Variants in MDGA2 observed in about 807,000 individuals in gnomAD.
MDGA2 encodes MAM domain-containing glycosylphosphatidylinositol anchor protein 2.
MDGA2 carries 40 observed loss-of-function variants against 117.8 expected under a neutral mutation model. The ratio of observed to expected loss-of-function variants is 0.34; its 90% CI spans 0.26 to 0.44. MDGA2 has a LOEUF of 0.44. MDGA2 is among the 20% of genes least tolerant of loss of function. MDGA2 has a pLI of 1.00. For synonymous variants in MDGA2, 452 were observed against 439.0 expected, an observed-to-expected ratio of 1.03 and a Z score of -0.37; for missense variants, 1,123 against 1,250.6, an observed-to-expected ratio of 0.90 and a Z score of 1.54.
In MDGA2 at chr14:47,181,014, TAGTGTA is replaced by T. The variant is rs549963723; in HGVS notation, c.596-36746_596-36741del. ...AAACGATCATTTATATACTTGGTAG[TAGTGTA>T]AGTAAGTTCAACCATTGTGGAAGAC... is the stretch of plus-strand genomic sequence containing the variant. On this transcript the variant is annotated intron_variant, in intron 3 of 16. Coordinates refer to ENST00000399232, the MANE Select transcript of MDGA2 (RefSeq NM_001113498.3). Among the ~76,000 whole-genome samples the T allele has an allele frequency of 9.2e-5, 14 of 152,270 alleles. No homozygotes were observed. In the South Asian group the frequency reaches 2.5e-3, roughly 27 times the overall value.
intron 1 of MDGA2, among the ~76,000 whole-genome samples, chr14:47,623,880 A>T (rs1260079830): frequency 1.3e-5 from 2 of 152,248 alleles, no homozygotes; most frequent in African/African-American, 2.4e-5. Flanking sequence ...ACCCAAGTAT[A>T]TACTGAAATT....
chr14:47,277,979 A>G lies in MDGA2; in HGVS notation c.420+23432T>C, dbSNP rs566563299. On this transcript the variant is annotated intron_variant, in intron 2 of 16. Coordinates refer to ENST00000399232, the MANE Select transcript of MDGA2 (RefSeq NM_001113498.3). ...AAAAAACAGGCAAGGGATTCCAGGC[A>G]TCAGCCAGCAGAGGGGAAAAAGAGT... 2.6e-5 allele frequency among the ~76,000 whole-genome samples: 4 copies of G among 152,278 alleles called. No homozygotes were observed. The South Asian group carries it at 8.3e-4, about 32-fold the overall frequency.
At chr14:47,415,869 A>G (rs544762509) in intron 1 of MDGA2, among the ~76,000 whole-genome samples, 11 of 152,056 alleles carry the variant, frequency 7.2e-5, no homozygotes, top group Non-Finnish European at 1.6e-4. Flanking sequence ...GGCCTCTTTT[A>G]TAAGGGTGCT....
chr14:47,151,648 A>T (rs959317467), intron 3 of MDGA2, among the ~76,000 whole-genome samples: 23 of 152,052 alleles, frequency 1.5e-4, no homozygotes, highest in African/African-American at 5.1e-4. Flanking sequence ...AAATTCAAAT[A>T]TCTAGATATT....
intron 1 of MDGA2, among the ~76,000 whole-genome samples, chr14:47,563,596 T>G (rs1350939530): frequency 1.5e-5 from 2 of 134,636 alleles, no homozygotes; most frequent in Non-Finnish European, 3.2e-5. Flanking sequence ...TTTTTTTTTT[T>G]TTTTTTTTTT....
At chr14:46,992,590 T>A (rs1887133712) in intron 8 of MDGA2, among the ~76,000 whole-genome samples, 1 of 152,154 alleles carries the variant, frequency 6.6e-6, no homozygotes, top group African/African-American at 2.4e-5. Flanking sequence ...GTAGTGACTT[T>A]TATTTGTATA....
chr14:47,133,040 A>G (rs112582786), intron 4 of MDGA2, among the ~76,000 whole-genome samples: 39 of 151,764 alleles, frequency 2.6e-4, no homozygotes, highest in African/African-American at 8.7e-4. Flanking sequence ...TTGTGGCCAT[A>G]AGTATTTTCA....
In MDGA2 at chr14:46,885,192, G is replaced by T. The variant is rs142068932; in HGVS notation, c.2239-2971C>A. ...AGAATAGGGAAGGATGAATCATGAA[G>T]AAAAAGATTGAGAAATTTGTCTACC... On this transcript the variant is annotated intron_variant, in intron 10 of 16. Coordinates refer to ENST00000399232, the MANE Select transcript of MDGA2 (RefSeq NM_001113498.3). 1.8e-4 allele frequency among the ~76,000 whole-genome samples: 27 copies of T among 151,886 alleles called. 1 individual carries two copies. Among genetic ancestry groups the T allele is most frequent in the African/African-American group, 6.3e-4 (26 of 41,468 alleles).
chr14:47,128,730 T>A (rs1390454944), intron 5 of MDGA2, among the ~76,000 whole-genome samples: 1 of 150,920 alleles, frequency 6.6e-6, no homozygotes, highest in Non-Finnish European at 1.5e-5. Context: ...AGTCTCTCAC[T>A]GTCACCCAGG....
intron 6 of MDGA2, among the ~76,000 whole-genome samples, chr14:47,082,836 C>T (rs1258475035): frequency 6.6e-6 from 1 of 151,088 alleles, no homozygotes. Context: ...CTGGGAAAAG[C>T]TAAATGAAAA....
chr14:47,592,147 G>T (rs76301103), intron 1 of MDGA2, among the ~76,000 whole-genome samples: 1 of 151,786 alleles, frequency 6.6e-6, no homozygotes, highest in Non-Finnish European at 1.5e-5. Flanking sequence ...CATTACTGCC[G>T]CAAAGAGAAT....
In MDGA2 at chr14:47,674,572, A is replaced by G. The variant is rs1375435757; in HGVS notation, c.225T>C (p.Gly75=). 6.4e-7 allele frequency: 1 copy of G among 1,551,382 alleles called. No individual in the cohort carries two copies. The highest frequency in any genetic ancestry group is 8.7e-7 in the Non-Finnish European group (1 of 1,146,900). Residue 75 remains glycine, a synonymous_variant, in exon 1 of 17, where the codon GGT becomes GGC. Transcript: ENST00000399232. The part of the protein sequence containing the change: ...HVHVKMDLLY[G]LVWLLTVLLE... ...GGAGGACTGTCAGCAGCCACACGAG[A>G]CCGTACAGTAAATCCATCTTCACGT... is the stretch of plus-strand genomic sequence containing the variant.
intron 1 of MDGA2, among the ~76,000 whole-genome samples, chr14:47,584,523 T>G (rs1198014368): frequency 6.6e-6 from 1 of 151,754 alleles, no homozygotes; most frequent in Non-Finnish European, 1.5e-5. Flanking sequence ...ATTTCATATT[T>G]CTTAAATATC....
At position 47,347,339 on chromosome 14, in the gene MDGA2, A is replaced by G. The variant is rs181464923; in HGVS notation, c.281-45789T>C. Among the ~76,000 whole-genome samples, 10 of 152,336 alleles carry G rather than the reference A, an allele frequency of 6.6e-5. No individual in the cohort carries two copies. The East Asian group carries it at 1.7e-3, about 26-fold the overall frequency. ...AATAATGCCCGTATTTGAGAGTGGT[A>G]TGTACTTTAGAAAAAGGCAGAAAAC... On this transcript the variant is annotated intron_variant, in intron 1 of 16. Coordinates refer to ENST00000399232, the MANE Select transcript of MDGA2 (RefSeq NM_001113498.3).
intron 9 of MDGA2, among the ~76,000 whole-genome samples, chr14:46,940,639 AGTTG>A (rs1884964693): frequency 1.3e-5 from 2 of 151,432 alleles, no homozygotes; most frequent in African/African-American, 4.9e-5. Flanking sequence ...AAAAAAAAAA[AGTTG>A]AACTTAATAG....
At chr14:47,231,195 T>C (rs565442416) in intron 2 of MDGA2, among the ~76,000 whole-genome samples, 1 of 152,150 alleles carries the variant, frequency 6.6e-6, no homozygotes, top group South Asian at 2.1e-4. Flanking sequence ...GCATCTGTAT[T>C]GACTGTTTTT....
chr14:46,864,354 A>G (rs537945059), intron 14 of MDGA2, among the ~76,000 whole-genome samples: 5 of 150,310 alleles, frequency 3.3e-5, no homozygotes, highest in African/African-American at 1.2e-4. Flanking sequence ...AGTCAATCTA[A>G]TACTTCAAAC....
chr14:47,504,698 G>A (rs551198594), intron 1 of MDGA2, among the ~76,000 whole-genome samples: 4 of 152,184 alleles, frequency 2.6e-5, no homozygotes, highest in South Asian at 2.1e-4. Flanking sequence ...AAATGCAGGC[G>A]AGGATGTGTG....
chr14:47,491,141 G>C (rs1240374628), intron 1 of MDGA2, among the ~76,000 whole-genome samples: 3 of 151,812 alleles, frequency 2.0e-5, no homozygotes, highest in Non-Finnish European at 4.4e-5. Flanking sequence ...AATTTTTTTT[G>C]TTATCCTAAA....
Sources: allele counts gnomAD v4.1 joint callset (sites outside exome capture counted in the v4.1 genomes callset), GRCh38; gene constraint gnomAD v4.1.1; transcripts MANE v1.5; gene names NCBI Gene and HGNC (gene_info 2026-07-23, HGNC 2026-07-21).